CCDC158: variants seen among roughly 807,000 people sequenced by gnomAD.
The protein encoded by CCDC158 is coiled-coil domain-containing protein 158.
In CCDC158, 116 loss-of-function variants were observed where a neutral mutation model predicts 138.6. The ratio of observed to expected loss-of-function variants is 0.84; its 90% CI spans 0.72 to 0.98. CCDC158 has a LOEUF of 0.98. CCDC158 is among the 50% of genes least tolerant of loss of function. The probability of loss-of-function intolerance (pLI) is 0.00; values close to 1 mark genes in which losing one functional copy is unlikely to be tolerated. For synonymous variants in CCDC158, 436 were observed against 442.4 expected (o/e 0.99, Z 0.18); for missense variants, 1,265 against 1,306.1 (o/e 0.97, Z 0.48).
intron 18 of CCDC158, among the ~76,000 whole-genome samples, chr4:76,349,916 G>A (rs1040484026): frequency 1.3e-5 from 2 of 152,120 alleles, no homozygotes; most frequent in African/African-American, 4.8e-5. Context: ...AAAGATCAAG[G>A]TGCAATATAT....
intron 22 of CCDC158, among the ~76,000 whole-genome samples, chr4:76,327,415 C>T (rs769150699): frequency 1.3e-5 from 2 of 152,128 alleles, no homozygotes; most frequent in Non-Finnish European, 2.9e-5. Context: ...GTGCAACCAT[C>T]ATAGAGTATA....
Position 76,384,152 on chromosome 4 carries a change from G to C in CCDC158, c.662C>G (p.Ala221Gly), listed in dbSNP as rs1170680016. Residue 221 changes from alanine (A) to glycine (G), a missense_variant, in exon 6 of 25, where the codon GCT (alanine) becomes GGT (glycine). Physicochemically the swap from Ala to Gly is moderately conservative, Grantham distance 60. Coordinates refer to ENST00000682701, the MANE Select transcript of CCDC158 (RefSeq NM_001394954.1). ...TAATTCTCTTAGTATTTTACTAATA[G>C]CTGAGCCCAAGCTGCGGAAGTGCAG... Reference protein sequence around the residue: ...STLHFRSLGSAISKILRELDT... With the variant: ...STLHFRSLGSGISKILRELDT... 1.2e-6 allele frequency: 2 copies of C among 1,613,872 alleles called. No individual in the cohort carries two copies. The highest frequency in any genetic ancestry group is 1.1e-5 in the South Asian group (1 of 91,076).
chr4:76,316,947 A>C (rs963962136), intron 24 of CCDC158, among the ~76,000 whole-genome samples: 3 of 150,490 alleles, frequency 2.0e-5, no homozygotes, highest in Non-Finnish European at 4.4e-5. Context: ...CACCAGTACC[A>C]AACCATCACT....
Position 76,367,576 on chromosome 4 carries a change from A to T in CCDC158, c.1548T>A (p.Asn516Lys), listed in dbSNP as rs1560432834. The T allele has an allele frequency of 6.2e-7, 1 of 1,614,196 alleles. No homozygotes were observed. The change falls in exon 12 of 25, where the codon AAT becomes AAA. Residue 516 changes from asparagine (N) to lysine (K), a missense_variant. Asn to Lys is a moderately conservative substitution (Grantham distance 94, BLOSUM62 0). Transcript: ENST00000682701. ...QEKERAIEAT[N>K]AEITKLRSRV... The stretch of plus-strand genomic sequence containing the variant: ...GGGAGCGGAGCTTTGTGATCTCTGC[A>T]TTGGTAGCCTCGATGGCTCTCTCTT...
Position 76,332,418 on chromosome 4 carries a change from C to T in CCDC158, c.2882+14G>A. ...GGACAATTAATTTGATTCAGAATCT[C>T]AGATTCTTCTTACCTATGGCACATG... On this transcript the variant is annotated intron_variant, in intron 20 of 24. Coordinates refer to ENST00000682701, the MANE Select transcript of CCDC158 (RefSeq NM_001394954.1). 6.3e-7 allele frequency: 1 copy of T among 1,596,128 alleles called. No homozygotes were observed.
chr4:76,416,053 T>C (rs914445143), intron 1 of CCDC158, among the ~76,000 whole-genome samples: 5 of 152,254 alleles, frequency 3.3e-5, no homozygotes, highest in Admixed American at 3.3e-4. Flanking sequence ...CCTGTTCACC[T>C]GGCTCTGCCT....
rs185506118 is a variant in CCDC158, at chr4:76,357,768, T to C, written c.2021-242A>G. On this transcript the variant is annotated intron_variant, in intron 13 of 24. Transcript: ENST00000682701. ...CTACCCACTTATTACTCATTGTTTT[T>C]TCCCAAACATTATAATTAGTTTGCA... 7.3e-3 allele frequency among the ~76,000 whole-genome samples: 1,113 copies of C among 152,254 alleles called. 10 individuals carry two copies. Among genetic ancestry groups the C allele is most frequent in the African/African-American group, 0.026 (1,061 of 41,558 alleles).
chr4:76,335,606 G>T (rs1721406811), intron 18 of CCDC158, among the ~76,000 whole-genome samples: 1 of 152,012 alleles, frequency 6.6e-6, no homozygotes, highest in South Asian at 2.1e-4. Flanking sequence ...TTGAGACAGA[G>T]TCCCACTCTG....
intron 14 of CCDC158, among the ~76,000 whole-genome samples, chr4:76,356,979 T>C (rs1315424187): frequency 6.6e-5 from 10 of 152,122 alleles, no homozygotes; most frequent in Non-Finnish European, 5.9e-5. Context: ...GGTGAAGCAA[T>C]CAAGAACTGC....
chr4:76,364,462 C>A (rs1467672874), intron 12 of CCDC158, among the ~76,000 whole-genome samples: 9 of 152,108 alleles, frequency 5.9e-5, no homozygotes, highest in Admixed American at 5.2e-4. Flanking sequence ...GAAATATACA[C>A]CAGATTTCAA....
chr4:76,369,435 C>T lies in CCDC158; in HGVS notation c.1338G>A (p.Met446Ile). 6.2e-7 allele frequency: 1 copy of T among 1,614,076 alleles called. No individual in the cohort carries two copies. The highest frequency in any genetic ancestry group is 8.5e-7 in the Non-Finnish European group (1 of 1,180,024). The change falls in exon 11 of 25, where the codon ATG (methionine) becomes ATA (isoleucine). Residue 446 changes from methionine to isoleucine, a missense_variant. Coordinates refer to ENST00000682701, the MANE Select transcript of CCDC158 (RefSeq NM_001394954.1). Reference protein sequence around the residue: ...KALKSECQGQMERQMAAIQGK... With the variant: ...KALKSECQGQIERQMAAIQGK... ...CTGTGCAGGCACTGACCTGCCGCTC[C>T]ATCTGGCCCTGACACTCGCTCTTCA... is the stretch of plus-strand genomic sequence containing the variant.
intron 18 of CCDC158, among the ~76,000 whole-genome samples, chr4:76,343,677 T>G (rs1722271858): frequency 6.6e-6 from 1 of 152,108 alleles, no homozygotes. Context: ...GGCGGGTGCC[T>G]GTAATCCCAG....
intron 1 of CCDC158, among the ~76,000 whole-genome samples, chr4:76,413,068 T>G (rs2109914408): frequency 6.6e-6 from 1 of 152,186 alleles, no homozygotes; most frequent in East Asian, 1.9e-4. Context: ...GAGAAGTAAT[T>G]GGGTAGAGAA....
intron 24 of CCDC158, among the ~76,000 whole-genome samples, chr4:76,315,648 C>T (rs1319904333): frequency 6.6e-6 from 1 of 152,214 alleles, no homozygotes; most frequent in Non-Finnish European, 1.5e-5. Flanking sequence ...TCACTGCTAG[C>T]ATAATCAGTA....
At chr4:76,401,468 T>A in intron 3 of CCDC158, 1 of 329,032 alleles carries the variant, frequency 3.0e-6, no homozygotes, top group Non-Finnish European at 5.9e-6. Context: ...TTGAGTGCAT[T>A]GAACCCAGCT....
At chr4:76,369,055 A>G (rs1434746866) in intron 11 of CCDC158, among the ~76,000 whole-genome samples, 1 of 151,782 alleles carries the variant, frequency 6.6e-6, no homozygotes, top group African/African-American at 2.4e-5. Context: ...CTCTACTAAA[A>G]CTACAAAAAA....
intron 18 of CCDC158, among the ~76,000 whole-genome samples, chr4:76,348,434 CAAAAAAAAA>C (rs11342856): frequency 1.8e-5 from 1 of 54,462 alleles, no homozygotes; most frequent in Non-Finnish European, 3.6e-5. Context: ...TACTCTGTCT[CAAAAAAAAA>C]AAAAAAAAAA....
chr4:76,345,128 A>C (rs1328192253), intron 18 of CCDC158: 9 of 1,121,854 alleles, frequency 8.0e-6, no homozygotes, highest in Non-Finnish European at 1.2e-5. Flanking sequence ...CAGCCTGCTT[A>C]CATTGCCTGG....
chr4:76,379,293 G>T lies in CCDC158; in HGVS notation c.1026C>A (p.Asp342Glu). The change falls in exon 9 of 25, where the codon GAC becomes GAA. Residue 342 changes from aspartate (D) to glutamate (E), a missense_variant. Coordinates refer to ENST00000682701, the MANE Select transcript of CCDC158 (RefSeq NM_001394954.1). ...ELREAKRMYE[D>E]KTEELEKQLV... Reference sequence around the variant, plus strand: ...GACCAGCAAAACCTAAACTCACCTTGTCTTCATACATCCTTTTGGCTTCCC... The same window carrying T: ...GACCAGCAAAACCTAAACTCACCTTTTCTTCATACATCCTTTTGGCTTCCC... The T allele has an allele frequency of 6.3e-7, 1 of 1,592,116 alleles. No individual in the cohort carries two copies. Among genetic ancestry groups the T allele is most frequent in the South Asian group, 1.1e-5 (1 of 87,462 alleles).
Sources: gnomAD v4.1 joint callset for allele counts (sites outside exome capture counted in the v4.1 genomes callset) on GRCh38, gnomAD v4.1.1 for gene constraint, MANE v1.5 for transcripts, NCBI Gene and HGNC (gene_info 2026-07-23, HGNC 2026-07-21) for gene names.